FOCAD: variants seen among roughly 807,000 people sequenced by gnomAD.
The protein encoded by FOCAD is KIAA1797.
In FOCAD, 198 loss-of-function variants were observed where a neutral mutation model predicts 225.6. That is an observed-to-expected ratio of 0.88 (90% CI 0.78 to 0.99). The LOEUF (loss-of-function observed/expected upper bound fraction) is 0.99, where lower values mean the gene tolerates loss of function less well. Ranked by LOEUF, FOCAD falls within the 50% of genes least tolerant of loss-of-function variation. The pLI is 0.00. For missense variants in FOCAD, 2,713 were observed against 2,123.6 expected (o/e 1.28, Z -5.46); for synonymous variants, 897 against 755.0 (o/e 1.19, Z -3.08).
At chr9:20,773,766 C>G (rs770145171) in intron 8 of FOCAD, among the ~76,000 whole-genome samples, 2 of 152,142 alleles carry the variant, frequency 1.3e-5, no homozygotes, top group South Asian at 2.1e-4. Context: ...TTTCCTCCCC[C>G]ACTTTTCTTC....
chr9:20,949,613 G>A lies in FOCAD; in HGVS notation c.3886G>A (p.Glu1296Lys). The change falls in exon 33 of 44, where the codon GAA becomes AAA. Residue 1296 changes from glutamate (E) to lysine (K), a missense_variant. Transcript: ENST00000338382. ...SEGDVMQLKS[E>K]AIQTSHFQGR... ...CTTCTTATTCTTTCAGCTGAAATCA[G>A]AAGCCATCCAGACCTCTCATTTTCA... The A allele has an allele frequency of 6.2e-7, 1 of 1,613,090 alleles. No homozygotes were observed.
At chr9:20,740,203 C>A in intron 4 of FOCAD, 33 bp from the exon 5 acceptor site, 1 of 1,303,828 alleles carries the variant, frequency 7.7e-7, no homozygotes, top group Non-Finnish European at 1.1e-6. Flanking sequence ...CACTTTTTAT[C>A]TATAACATTT....
In FOCAD at chr9:20,882,053, G is replaced by A; in HGVS notation, c.2500G>A (p.Ala834Thr). The A allele has an allele frequency of 6.2e-7, 1 of 1,612,682 alleles. No homozygotes were observed. The highest frequency in any genetic ancestry group is 8.5e-7 in the Non-Finnish European group (1 of 1,179,406). Residue 834 changes from alanine (A) to threonine (T), a missense_variant, in exon 20 of 44, where the codon GCA becomes ACA. Physicochemically the swap from Ala to Thr is moderately conservative, Grantham distance 58 (BLOSUM62 0). Transcript: ENST00000338382. Reference sequence around the variant, plus strand: ...GCAACCAGGACTGAAACCTGGCCTTGCAGGTAAGGGTAGTACATAGTATCA... The same window carrying A: ...GCAACCAGGACTGAAACCTGGCCTTACAGGTAAGGGTAGTACATAGTATCA... ...NKQPGLKPGL[A>T]GGMLFCYDVS...
At chr9:20,924,360 G>A (rs1270546253) in intron 25 of FOCAD, among the ~76,000 whole-genome samples, 1 of 152,030 alleles carries the variant, frequency 6.6e-6, no homozygotes, top group Non-Finnish European at 1.5e-5. Context: ...TAAAAATATA[G>A]GCTTTGGAAT....
chr9:20,912,879 A>C lies in FOCAD; in HGVS notation c.2732A>C (p.Glu911Ala). 6.2e-7 allele frequency: 1 copy of C among 1,613,202 alleles called. No individual in the cohort carries two copies. Among genetic ancestry groups the C allele is most frequent in the Non-Finnish European group, 8.5e-7 (1 of 1,179,480 alleles). The change falls in exon 23 of 44, where the codon GAG becomes GCG. Residue 911 changes from glutamate (E) to alanine (A), a missense_variant. Physicochemically the swap from Glu to Ala is moderately radical, Grantham distance 107. Transcript: ENST00000338382. ...YHAILQGRLG[E>A]LELQLKHGKE... ...TGATTTTTGCAGGGAAGACTAGGAG[A>C]GCTGGAGTTGCAGTTAAAACATGGA...
At chr9:20,892,676 A>C (rs1436125037) in intron 21 of FOCAD, among the ~76,000 whole-genome samples, 1 of 152,158 alleles carries the variant, frequency 6.6e-6, no homozygotes, top group Non-Finnish European at 1.5e-5. Flanking sequence ...TGCTGTGAAC[A>C]TGTTGAACTG....
chr9:20,696,337 GACAC>G (rs142085623), intron 1 of FOCAD, among the ~76,000 whole-genome samples: 1 of 151,358 alleles, frequency 6.6e-6, no homozygotes, highest in South Asian at 2.1e-4. Flanking sequence ...TCACCATACA[GACAC>G]ACACACACAC....
chr9:20,898,666 T>C (rs1832308901), intron 21 of FOCAD, among the ~76,000 whole-genome samples: 1 of 152,018 alleles, frequency 6.6e-6, no homozygotes, highest in African/African-American at 2.4e-5. Flanking sequence ...ACATTAGTCA[T>C]GGTTACTTTA....
upstream of FOCAD, among the ~76,000 whole-genome samples, chr9:20,658,013 G>T (rs1295008030): frequency 5.6e-5 from 8 of 143,794 alleles, no homozygotes; most frequent in Admixed American, 2.8e-4. Context: ...ACCCTCAGCT[G>T]CAGGTCTGTT....
chr9:20,940,605 A>C (rs1004813933), intron 28 of FOCAD, among the ~76,000 whole-genome samples: 3 of 152,152 alleles, frequency 2.0e-5, no homozygotes, highest in African/African-American at 7.2e-5. Context: ...TTTTGGCTTC[A>C]GGTTCAACTG....
At chr9:20,989,631 C>T (rs1841478143) in intron 41 of FOCAD, among the ~76,000 whole-genome samples, 1 of 152,006 alleles carries the variant, frequency 6.6e-6, no homozygotes, top group Non-Finnish European at 1.5e-5. Context: ...TCACTCTGGG[C>T]AACATAGTGA....
At position 20,951,012 on chromosome 9, in the gene FOCAD, G is replaced by C. The variant is rs1156452693; in HGVS notation, c.3965G>C (p.Gly1322Ala). Reference protein sequence around the residue: ...RTLTQVISVSGVIGLQSNAVW... With the variant: ...RTLTQVISVSAVIGLQSNAVW... ...TATTTGTAGGTCATTAGTGTCTCTG[G>C]GGTGATTGGTCTCCAGTCAAATGCA... The change falls in exon 34 of 44, where the codon GGG becomes GCG. Residue 1322 changes from glycine (G) to alanine (A), a missense_variant. Transcript: ENST00000338382. The C allele has an allele frequency of 6.2e-7, 1 of 1,613,116 alleles. No homozygotes were observed. Among genetic ancestry groups the C allele is most frequent in the Admixed American group, 1.7e-5 (1 of 59,976 alleles).
chr9:20,787,275 C>T (rs189803001), intron 10 of FOCAD, among the ~76,000 whole-genome samples: 1 of 152,204 alleles, frequency 6.6e-6, no homozygotes, highest in Non-Finnish European at 1.5e-5. Flanking sequence ...TTTTTCTCTC[C>T]GGAAGATGAC....
At chr9:20,770,496 A>G (rs1277016934) in intron 8 of FOCAD, among the ~76,000 whole-genome samples, 2 of 152,158 alleles carry the variant, frequency 1.3e-5, no homozygotes, top group Admixed American at 6.5e-5. Context: ...CACGCTTTTA[A>G]ACAACCAGAT....
intron 1 of FOCAD, among the ~76,000 whole-genome samples, chr9:20,695,542 A>G (rs1823300093): frequency 6.6e-6 from 1 of 152,086 alleles, no homozygotes; most frequent in African/African-American, 2.4e-5. Context: ...TCCTACATTT[A>G]TACACGTACA....
At chr9:20,766,681 C>G (rs912490825) in intron 7 of FOCAD, among the ~76,000 whole-genome samples, 3 of 150,932 alleles carry the variant, frequency 2.0e-5, no homozygotes, top group African/African-American at 7.3e-5. Context: ...TTATTTTTTT[C>G]TTCACTTTCT....
intron 15 of FOCAD, among the ~76,000 whole-genome samples, chr9:20,855,141 C>A (rs1828038115): frequency 6.6e-6 from 1 of 151,522 alleles, no homozygotes; most frequent in Non-Finnish European, 1.5e-5. Context: ...GGTAAAAATT[C>A]TCATAGGAAA....
chr9:20,853,952 TG>T (rs2131636637), intron 15 of FOCAD, among the ~76,000 whole-genome samples: 1 of 151,902 alleles, frequency 6.6e-6, no homozygotes, highest in South Asian at 2.1e-4. Context: ...TATTGTGTTT[TG>T]GTAACAGAAG....
upstream of FOCAD, among the ~76,000 whole-genome samples, chr9:20,656,432 C>G (rs977206576): frequency 5.9e-5 from 9 of 152,090 alleles, no homozygotes; most frequent in East Asian, 1.9e-4. Flanking sequence ...GTAGGTCACT[C>G]AGGACTTGCT....
Sources: gnomAD v4.1 joint callset for allele counts (sites outside exome capture counted in the v4.1 genomes callset) on GRCh38, gnomAD v4.1.1 for gene constraint, MANE v1.5 for transcripts, NCBI Gene and HGNC (gene_info 2026-07-23, HGNC 2026-07-21) for gene names.